Variants in NFIB observed in about 807,000 individuals in gnomAD.
NFIB encodes nuclear factor I B.
NFIB carries 11 observed loss-of-function variants against 61.5 expected under a neutral mutation model. The ratio of observed to expected loss-of-function variants is 0.18; its 90% CI spans 0.11 to 0.30. NFIB has a LOEUF of 0.30. Among genes scored for constraint, NFIB ranks in the 10% least tolerant of loss-of-function variants. The pLI is 1.00. For missense variants in NFIB, 471 were observed against 608.9 expected (o/e 0.77, Z 2.38); for synonymous variants, 260 against 216.5 (o/e 1.20, Z -1.76).
At chr9:14,481,496 A>G in the NFIB span, among the ~76,000 whole-genome samples, 1 of 151,278 alleles carries the variant, frequency 6.6e-6, no homozygotes, top group African/African-American at 2.4e-5. Flanking sequence ...GGTGACTCAC[A>G]CTCTCTCGAT....
chr9:14,352,906 G>A (rs1322643168), intron 1 of NFIB, among the ~76,000 whole-genome samples: 12 of 152,210 alleles, frequency 7.9e-5, no homozygotes, highest in Admixed American at 5.2e-4. Flanking sequence ...CATTGTGTCC[G>A]TTTGTGTCTA....
intron 1 of NFIB, among the ~76,000 whole-genome samples, chr9:14,393,734 T>G (rs144830369): frequency 6.6e-6 from 1 of 152,324 alleles, no homozygotes; most frequent in African/African-American, 2.4e-5. Context: ...CTGAGTTGTC[T>G]GCAGAGACCA....
At chr9:14,301,070 T>A (rs1308281465) in intron 2 of NFIB, among the ~76,000 whole-genome samples, 1 of 152,194 alleles carries the variant, frequency 6.6e-6, no homozygotes, top group Non-Finnish European at 1.5e-5. Flanking sequence ...ATTACGAATC[T>A]TCATGTTTGG....
the NFIB span, among the ~76,000 whole-genome samples, chr9:14,459,066 C>T: frequency 2.6e-5 from 4 of 152,054 alleles, no homozygotes; most frequent in African/African-American, 9.7e-5. Context: ...CAAGTCAATC[C>T]TAAGCCAAAA....
the NFIB span, among the ~76,000 whole-genome samples, chr9:14,428,845 TG>T: frequency 2.0e-5 from 3 of 152,060 alleles, no homozygotes; most frequent in Non-Finnish European, 4.4e-5. Context: ...CAGAGACGTC[TG>T]GTAAGATTAG....
intron 1 of NFIB, among the ~76,000 whole-genome samples, chr9:14,350,770 G>T (rs1288086526): frequency 2.6e-5 from 4 of 152,120 alleles, no homozygotes; most frequent in African/African-American, 7.2e-5. Flanking sequence ...CTGGGTGCGG[G>T]TGTAACCAAT....
At chr9:14,105,045 T>C (rs1361693058) in intron 10 of NFIB, among the ~76,000 whole-genome samples, 1 of 152,154 alleles carries the variant, frequency 6.6e-6, no homozygotes, top group Non-Finnish European at 1.5e-5. Context: ...GGATGTGTTG[T>C]AAATGAGTTA....
chr9:14,462,465 G>C, the NFIB span, among the ~76,000 whole-genome samples: 1 of 152,018 alleles, frequency 6.6e-6, no homozygotes, highest in East Asian at 2.0e-4. Flanking sequence ...TGTATTTTTA[G>C]TGGAGACGGG....
intron 6 of NFIB, among the ~76,000 whole-genome samples, chr9:14,133,059 G>A (rs1379861119): frequency 6.6e-6 from 1 of 152,156 alleles, no homozygotes; most frequent in African/African-American, 2.4e-5. Flanking sequence ...CTTAGAGACA[G>A]TCCAATGGCT....
chr9:14,368,245 G>A (rs907605301), intron 1 of NFIB, among the ~76,000 whole-genome samples: 1 of 151,848 alleles, frequency 6.6e-6, no homozygotes, highest in Non-Finnish European at 1.5e-5. Flanking sequence ...CAATGTTGAG[G>A]GAATGAAGAG....
At chr9:14,351,516 C>A (rs1404121278) in intron 1 of NFIB, among the ~76,000 whole-genome samples, 1 of 152,212 alleles carries the variant, frequency 6.6e-6, no homozygotes, top group African/African-American at 2.4e-5. Flanking sequence ...ACTCAAGGAA[C>A]ACCTCAAACC....
the NFIB span, among the ~76,000 whole-genome samples, chr9:14,458,257 G>A: frequency 6.6e-6 from 1 of 152,178 alleles, no homozygotes; most frequent in Non-Finnish European, 1.5e-5. Context: ...CAGAACCAGT[G>A]ACAAAAACCA....
At chr9:14,181,747 A>C (rs2046806002) in intron 2 of NFIB, among the ~76,000 whole-genome samples, 1 of 152,192 alleles carries the variant, frequency 6.6e-6, no homozygotes, top group South Asian at 2.1e-4. Flanking sequence ...ACACCCACTG[A>C]CCAGAGCCTC....
At chr9:14,431,628 GTTTTGT>G in the NFIB span, among the ~76,000 whole-genome samples, 3 of 141,224 alleles carry the variant, frequency 2.1e-5, no homozygotes, top group Non-Finnish European at 3.1e-5. Flanking sequence ...ACCATTTTTT[GTTTTGT>G]TTTTTTTTTT....
chr9:14,519,249 G>T, the NFIB span, among the ~76,000 whole-genome samples: 53 of 152,268 alleles, frequency 3.5e-4, no homozygotes, highest in African/African-American at 1.3e-3. Context: ...CTTGTATAAG[G>T]ATATTGAGTG....
At chr9:14,422,437 T>C in the NFIB span, among the ~76,000 whole-genome samples, 3 of 152,218 alleles carry the variant, frequency 2.0e-5, no homozygotes, top group African/African-American at 4.8e-5. Context: ...AGTATTCTTA[T>C]GGAGTCAGGA....
chr9:14,253,464 G>T (rs1473363717), intron 2 of NFIB, among the ~76,000 whole-genome samples: 1 of 152,124 alleles, frequency 6.6e-6, no homozygotes, highest in East Asian at 1.9e-4. Flanking sequence ...GACCAAAACA[G>T]CCCACAAAAC....
At chr9:14,263,131 G>T (rs1324305731) in intron 2 of NFIB, among the ~76,000 whole-genome samples, 1 of 152,006 alleles carries the variant, frequency 6.6e-6, no homozygotes, top group Non-Finnish European at 1.5e-5. Context: ...TGATAGGGTG[G>T]GTTGTTATGG....
At chr9:14,136,149 A>T (rs1010195798) in intron 6 of NFIB, among the ~76,000 whole-genome samples, 2 of 152,228 alleles carry the variant, frequency 1.3e-5, no homozygotes, top group African/African-American at 2.4e-5. Flanking sequence ...GTGCTAAAAC[A>T]GTGAATATGG....
Sources: gnomAD v4.1 joint callset for allele counts (sites outside exome capture counted in the v4.1 genomes callset) on GRCh38, gnomAD v4.1.1 for gene constraint, MANE v1.5 for transcripts, NCBI Gene and HGNC (gene_info 2026-07-23, HGNC 2026-07-21) for gene names.